RAB37: variants seen among roughly 807,000 people sequenced by gnomAD.
The protein encoded by RAB37 is ras-related protein Rab-37.
In RAB37, 29 loss-of-function variants were observed where a neutral mutation model predicts 33.1. The ratio of observed to expected loss-of-function variants is 0.88; its 90% CI spans 0.65 to 1.20. RAB37 has a LOEUF of 1.20. RAB37 is among the 50% of genes most tolerant of loss of function. The pLI, the probability that RAB37 is intolerant of heterozygous loss-of-function variation, is 0.00. For missense variants in RAB37, 299 were observed against 301.1 expected (o/e 0.99, Z 0.05); for synonymous variants, 128 against 119.5 (o/e 1.07, Z -0.47).
intron 1 of RAB37, among the ~76,000 whole-genome samples, chr17:74,728,772 T>C (rs940073745): frequency 6.6e-6 from 1 of 151,872 alleles, no homozygotes; most frequent in Non-Finnish European, 1.5e-5. Context: ...CTTGTGCATG[T>C]ATGTTTCTGT....
In RAB37 at chr17:74,729,129, CTGTG is replaced by C; in HGVS notation, c.73-116_73-113del. Reference sequence around the variant, plus strand: ...GTCAGTGTCTTGTGTGTGTGTGTTTCTGTGTGTGTGTGTGCATGTTGTGCACATG... The same window carrying C: ...GTCAGTGTCTTGTGTGTGTGTGTTTCTGTGTGTGTGCATGTTGTGCACATG... On this transcript the variant is annotated intron_variant, in intron 1 of 7. Transcript: ENST00000340415. This position sits in a 1 kb window ranked among gnomAD's most constrained non-coding sequence, Gnocchi z 4.2. 5.8e-6 allele frequency: 4 copies of C among 686,270 alleles called. No homozygotes were observed. Among genetic ancestry groups the C allele is most frequent in the East Asian group, 2.6e-5 (1 of 37,996 alleles). The allele number at this position is 686,270 out of a possible 1,614,324, so 42.5% of individuals were successfully genotyped here.
intron 1 of RAB37, among the ~76,000 whole-genome samples, chr17:74,680,257 G>A (rs1034133936): frequency 1.3e-5 from 2 of 152,024 alleles, no homozygotes; most frequent in African/African-American, 4.8e-5. Context: ...AGTCAGGAGA[G>A]GACAAGGGGC....
upstream of RAB37, among the ~76,000 whole-genome samples, chr17:74,735,151 G>A (rs1277537883): frequency 7.5e-6 from 1 of 132,656 alleles, no homozygotes; most frequent in Non-Finnish European, 1.6e-5. Flanking sequence ...AGAGAGAAAG[G>A]AAAGAAGGAA....
Position 74,671,511 on chromosome 17 carries a change from C to A in RAB37, c.-76C>A. On this transcript the variant is annotated 5_prime_UTR_variant, in exon 1 of 8. Transcript: ENST00000340415. This position sits in a 1 kb window ranked among gnomAD's most constrained non-coding sequence, Gnocchi z 5.0. ...TCAGACCCAAGCCTGCCGCACCCAGCGGAGCTCGAACCGAGCTCCTGGAAG... is the reference window on the plus strand; with the variant it reads ...TCAGACCCAAGCCTGCCGCACCCAGAGGAGCTCGAACCGAGCTCCTGGAAG... 6 of 1,397,332 alleles carry A rather than the reference C, an allele frequency of 4.3e-6. No individual in the cohort carries two copies. The highest frequency in any genetic ancestry group is 1.7e-5 in the Admixed American group (1 of 58,074). The allele number at this position is 1,397,332 out of a possible 1,614,324, so 86.6% of individuals were successfully genotyped here.
At chr17:74,704,860 G>A (rs1300231039) in intron 1 of RAB37, 1 of 1,476,672 alleles carries the variant, frequency 6.8e-7, no homozygotes, top group Non-Finnish European at 9.3e-7. Flanking sequence ...CACCCCAAGG[G>A]CAGGGCCACA....
chr17:74,695,869 G>A (rs778221421), intron 1 of RAB37: 2 of 1,611,572 alleles, frequency 1.2e-6, no homozygotes, highest in African/African-American at 1.3e-5. Context: ...CCTGGGACAG[G>A]GAACACAGGC....
chr17:74,713,077 C>T (rs879186884), intron 1 of RAB37: 16 of 535,584 alleles, frequency 3.0e-5, no homozygotes, highest in African/African-American at 1.2e-4. Context: ...GAGGCCAAGG[C>T]GGGCGGATCA....
At chr17:74,714,909 G>A (rs2034145610) in intron 1 of RAB37, among the ~76,000 whole-genome samples, 1 of 152,176 alleles carries the variant, frequency 6.6e-6, no homozygotes. Context: ...ATCACCTGAG[G>A]TCAGGAGTTC....
At position 74,671,638 on chromosome 17, in the gene RAB37, A is replaced by G. The variant is rs1193971497; in HGVS notation, c.52A>G (p.Asn18Asp). The G allele has an allele frequency of 6.2e-6, 10 of 1,614,202 alleles. No homozygotes were observed. Among genetic ancestry groups the G allele is most frequent in the South Asian group, 1.1e-5 (1 of 91,084 alleles). Residue 18 changes from asparagine (N) to aspartate (D), a missense_variant, in exon 1 of 8, where the codon AAC (asparagine) becomes GAC (aspartate). Coordinates refer to the RAB37 transcript ENST00000340415. The surrounding 1 kb of genome is among the most constrained non-coding windows in gnomAD (Gnocchi z 5.0). ...CCAGGGAGGAGCTGGCCCTGACTTC[A>G]ACGACCACGTCCTGCATAAGGTAAA...
upstream of RAB37, chr17:74,736,481 C>T: frequency 7.2e-7 from 1 of 1,380,540 alleles, no homozygotes; most frequent in African/African-American, 1.5e-5. Context: ...TGATCTACGA[C>T]TTCATGAATT....
chr17:74,689,469 A>G (rs964412662), intron 1 of RAB37, among the ~76,000 whole-genome samples: 9 of 152,122 alleles, frequency 5.9e-5, no homozygotes, highest in Admixed American at 4.6e-4. Flanking sequence ...AGAAAGAAAG[A>G]AAAGAAAAAA....
chr17:74,681,178 C>T (rs916968017), intron 1 of RAB37, among the ~76,000 whole-genome samples: 3 of 152,218 alleles, frequency 2.0e-5, no homozygotes, highest in African/African-American at 7.2e-5. Flanking sequence ...GACCTTGGTG[C>T]CCATGAAGGT....
chr17:74,744,851 G>C lies in RAB37; in HGVS notation c.433-22G>C. On this transcript the variant is annotated intron_variant, in intron 6 of 8. Transcript: ENST00000392613. This position sits in a 1 kb window ranked among gnomAD's most constrained non-coding sequence, Gnocchi z 4.2. ...TGGGGCGGAGGCCTCCTTCCCCAGAGTGACCCATTTGGGCTTGACAGGCGG... is the reference window on the plus strand; with the variant it reads ...TGGGGCGGAGGCCTCCTTCCCCAGACTGACCCATTTGGGCTTGACAGGCGG... 2 of 1,614,222 alleles carry C rather than the reference G, an allele frequency of 1.2e-6. No individual in the cohort carries two copies. The highest frequency in any genetic ancestry group is 3.3e-5 in the Admixed American group (2 of 60,038).
upstream of RAB37, among the ~76,000 whole-genome samples, chr17:74,735,035 AAGAAAGAAAG>A (rs1767417130): frequency 7.1e-6 from 1 of 140,400 alleles, no homozygotes; most frequent in Admixed American, 7.1e-5. Flanking sequence ...GAAAGAAAGA[AAGAAAGAAAG>A]AAAGAAAGAA....
intron 1 of RAB37, among the ~76,000 whole-genome samples, chr17:74,722,006 G>T (rs2034248071): frequency 6.6e-6 from 1 of 151,998 alleles, no homozygotes; most frequent in Non-Finnish European, 1.5e-5. Flanking sequence ...AAGAAAGAGA[G>T]ATTTGTCAGC....
intron 1 of RAB37, chr17:74,694,536 C>T (rs1194750226): frequency 1.3e-5 from 2 of 152,264 alleles, no homozygotes; most frequent in African/African-American, 2.4e-5. Flanking sequence ...CACTTTGTCT[C>T]TACCTCTTTG....
chr17:74,720,156 G>A (rs2034219829), intron 1 of RAB37, among the ~76,000 whole-genome samples: 1 of 152,202 alleles, frequency 6.6e-6, no homozygotes, highest in Non-Finnish European at 1.5e-5. Context: ...CACCAGCAGG[G>A]ACGAACTTTA....
intron 1 of RAB37, among the ~76,000 whole-genome samples, chr17:74,739,678 T>A (rs1207343630): frequency 6.6e-6 from 1 of 151,784 alleles, no homozygotes; most frequent in African/African-American, 2.4e-5. Context: ...TACAGGCGTG[T>A]GCCACCACTC....
chr17:74,725,197 C>T lies in RAB37; in HGVS notation c.73-4059C>T, dbSNP rs1358302534. On this transcript the variant is annotated intron_variant, in intron 1 of 7. Transcript: ENST00000340415. The stretch of plus-strand genomic sequence containing the variant: ...GGACAAACAACCTCCTGTCCCCAGC[C>T]CCCCACCCACAAGCTCCTCTCCTTC... Among the ~76,000 whole-genome samples the T allele has an allele frequency of 3.3e-5, 5 of 152,074 alleles. No homozygotes were observed. In the South Asian group the frequency reaches 1.0e-3, roughly 31 times the overall value.
Sources: gnomAD v4.1 joint callset for allele counts (sites outside exome capture counted in the v4.1 genomes callset) on GRCh38, gnomAD v4.1.1 for gene constraint, Gnocchi (gnomAD v3.1) non-coding constraint, MANE v1.5 for transcripts, NCBI Gene and HGNC (gene_info 2026-07-23, HGNC 2026-07-21) for gene names.